The following MPHOSPH10 variants were observed in gnomAD, a reference collection of about 807,000 sequenced individuals.
MPHOSPH10 encodes the protein U3 small nucleolar ribonucleoprotein MPP10.
Under a neutral mutation model 77.3 loss-of-function variants are expected in MPHOSPH10, and 33 were observed. The ratio of observed to expected loss-of-function variants is 0.43; its 90% CI spans 0.32 to 0.57. The LOEUF (loss-of-function observed/expected upper bound fraction) is 0.57. Ranked by LOEUF, MPHOSPH10 falls within the 20% of genes least tolerant of loss-of-function variation. The pLI, the probability that MPHOSPH10 is intolerant of heterozygous loss-of-function variation, is 0.07. For missense variants in MPHOSPH10, 708 were observed against 780.1 expected (o/e 0.91, Z 1.10); for synonymous variants, 245 against 268.0 (o/e 0.91, Z 0.84).
chr2:71,147,912 A>G (rs1673749426), intron 8 of MPHOSPH10, 87 bp from the exon 9 acceptor site: 5 of 989,732 alleles, frequency 5.1e-6, no homozygotes, highest in South Asian at 1.4e-5. Context: ...TTTATATATT[A>G]TACTTTAAGT....
intron 6 of MPHOSPH10, among the ~76,000 whole-genome samples, chr2:71,140,920 A>G (rs1339314422): frequency 6.6e-6 from 1 of 152,204 alleles, no homozygotes; most frequent in Non-Finnish European, 1.5e-5. Context: ...GTAACCAGGT[A>G]GGAAGACTCA....
In MPHOSPH10 at chr2:71,133,783, T is replaced by G. The variant is rs532360842; in HGVS notation, c.769-165T>G. Among the ~76,000 whole-genome samples, 4 of 152,350 alleles carry G rather than the reference T, an allele frequency of 2.6e-5. No homozygotes were observed. In the East Asian group the frequency reaches 5.8e-4, roughly 22 times the overall value. ...GTGGTAGTGTTATTAGTTGCCATTT[T>G]CACCTAATAATTATTTAGTTATTAG... is the stretch of plus-strand genomic sequence containing the variant. On this transcript the variant is annotated intron_variant, in intron 2 of 10. Transcript: ENST00000244230.
intron 10 of MPHOSPH10, 129 bp downstream of exon 10, chr2:71,149,582 T>A (rs1197218035): frequency 4.4e-6 from 4 of 905,836 alleles, no homozygotes; most frequent in Non-Finnish European, 6.7e-6. Context: ...TGATGCTGAC[T>A]GGCTGGAATC....
intron 7 of MPHOSPH10, among the ~76,000 whole-genome samples, chr2:71,142,718 T>C (rs1449435346): frequency 1.3e-5 from 2 of 152,190 alleles, no homozygotes. Flanking sequence ...TTTTTTAAAG[T>C]GTGAGGTACG....
rs755036981 is a variant in MPHOSPH10, at chr2:71,148,011, A to G, written c.1570A>G (p.Ile524Val). 1.0e-4 allele frequency: 168 copies of G among 1,613,818 alleles called. No homozygotes were observed. Among genetic ancestry groups the G allele is most frequent in the Non-Finnish European group, 1.4e-4 (167 of 1,179,832 alleles). The change falls in exon 9 of 11, where the codon ATT (isoleucine) becomes GTT (valine). Residue 524 changes from isoleucine (I) to valine (V), a missense_variant. Physicochemically the swap from Ile to Val is conservative, Grantham distance 29 (BLOSUM62 3). Coordinates refer to ENST00000244230, the MANE Select transcript of MPHOSPH10 (RefSeq NM_005791.3). The part of the protein sequence containing the change: ...HFIPKPPVPE[I>V]KVVSNLPAIT... Reference sequence around the variant, plus strand: ...ATCTCTTTTCTAGCCTGTACCAGAGATTAAAGTTGTGTCAAATCTGCCAGC... The same window carrying G: ...ATCTCTTTTCTAGCCTGTACCAGAGGTTAAAGTTGTGTCAAATCTGCCAGC...
chr2:71,135,144 C>T (rs373587449), intron 4 of MPHOSPH10, among the ~76,000 whole-genome samples: 8 of 152,210 alleles, frequency 5.3e-5, no homozygotes, highest in African/African-American at 9.6e-5. Context: ...CTAGCCTGGG[C>T]GGCAAGCAAG....
In MPHOSPH10 at chr2:71,133,599, A is replaced by G. The variant is rs780823192; in HGVS notation, c.768+23A>G. ...AAGGTAAAGTTTTGAGAGAAGAGAG[A>G]GCACTTTCCTCCTCAAATTAGCTTT... On this transcript the variant is annotated intron_variant, in intron 2 of 10. Transcript: ENST00000244230. 6 of 1,418,904 alleles carry G rather than the reference A, an allele frequency of 4.2e-6. No homozygotes were observed. In the East Asian group the frequency reaches 1.3e-4, roughly 30 times the overall value. 87.9% of individuals were successfully genotyped at this position (1,418,904 alleles called of 1,614,324 possible).
chr2:71,138,864 G>A (rs372387376), intron 5 of MPHOSPH10: 88 of 630,300 alleles, frequency 1.4e-4, no homozygotes, highest in African/African-American at 7.7e-4. Context: ...GTGAAACCCC[G>A]TCTCTACTAA....
chr2:71,136,913 A>AACACAC (rs56768441), intron 4 of MPHOSPH10, among the ~76,000 whole-genome samples: 2,979 of 119,004 alleles, frequency 0.025, 44 homozygotes, highest in African/African-American at 0.035. Context: ...GTAGCATTAA[A>AACACAC]ACACACACAC....
At chr2:71,133,688 C>T in intron 2 of MPHOSPH10, 112 bp downstream of exon 2, 2 of 1,178,694 alleles carry the variant, frequency 1.7e-6, no homozygotes, top group Non-Finnish European at 2.4e-6. Flanking sequence ...AAATATTGTG[C>T]TCTATCTTAT....
chr2:71,146,806 G>T (rs1299948883), intron 8 of MPHOSPH10, among the ~76,000 whole-genome samples: 1 of 152,064 alleles, frequency 6.6e-6, no homozygotes, highest in African/African-American at 2.4e-5. Flanking sequence ...TGTGTTTATG[G>T]CTTGTTTTTG....
chr2:71,148,813 TC>T (rs1673764420), intron 9 of MPHOSPH10: 1 of 200,596 alleles, frequency 5.0e-6, no homozygotes, highest in South Asian at 9.7e-5. Context: ...CTTCCTCTGT[TC>T]CTTGGTCTCT....
chr2:71,134,550 A>G (rs530817475), intron 3 of MPHOSPH10, 76 bp from the exon 4 acceptor site: 1 of 1,383,626 alleles, frequency 7.2e-7, no homozygotes, highest in Non-Finnish European at 9.9e-7. Flanking sequence ...GAACTTTATT[A>G]AGGGAAAATT....
chr2:71,141,133 A>ATTT, intron 6 of MPHOSPH10, 99 bp from the exon 7 acceptor site: 1 of 523,906 alleles, frequency 1.9e-6, no homozygotes, highest in Non-Finnish European at 2.6e-6. Context: ...TAATATATTG[A>ATTT]TAATATTTAT....
At chr2:71,149,537 G>C in intron 10 of MPHOSPH10, 84 bp downstream of exon 10, 1 of 1,282,002 alleles carries the variant, frequency 7.8e-7, no homozygotes, top group Non-Finnish European at 1.1e-6. Flanking sequence ...GAATGTCTGA[G>C]CCAGCTGACA....
chr2:71,135,057 T>G (rs1187711351), intron 4 of MPHOSPH10, among the ~76,000 whole-genome samples: 2 of 152,172 alleles, frequency 1.3e-5, no homozygotes, highest in African/African-American at 2.4e-5. Context: ...GTCCAGCTAC[T>G]CTGGTGTCTG....
intron 1 of MPHOSPH10, among the ~76,000 whole-genome samples, chr2:71,131,698 A>G (rs1033962576): frequency 1.3e-5 from 2 of 152,286 alleles, no homozygotes; most frequent in South Asian, 4.1e-4. Context: ...GCAGAGGAGG[A>G]CGGGGTCACA....
chr2:71,136,902 G>A (rs1444391822), intron 4 of MPHOSPH10, among the ~76,000 whole-genome samples: 1 of 124,626 alleles, frequency 8.0e-6, no homozygotes, highest in African/African-American at 3.3e-5. Context: ...ACCTGACAGA[G>A]GTAGCATTAA....
At chr2:71,135,844 A>T (rs1211840693) in intron 4 of MPHOSPH10, among the ~76,000 whole-genome samples, 6 of 151,666 alleles carry the variant, frequency 4.0e-5, no homozygotes, top group Non-Finnish European at 7.4e-5. Context: ...TTGGGATTAC[A>T]GATGCCCGCC....
Sources: allele counts gnomAD v4.1 joint callset (sites outside exome capture counted in the v4.1 genomes callset), GRCh38; gene constraint gnomAD v4.1.1; transcripts MANE v1.5; gene names NCBI Gene and HGNC (gene_info 2026-07-23, HGNC 2026-07-21).